COX19: variants seen among roughly 807,000 people sequenced by gnomAD.
COX19 encodes cytochrome c oxidase assembly protein COX19.
Under a neutral mutation model 6.8 loss-of-function variants are expected in COX19, and 8 were observed. The observed-to-expected ratio is 1.18, with a 90% CI of 0.69 to 2.12. COX19 has a LOEUF of 2.12. Ranked by LOEUF, COX19 falls within the 30% of genes most tolerant of loss-of-function variation. COX19 has a pLI of 0.00. For synonymous variants in COX19, 51 were observed against 38.0 expected (o/e 1.34, Z -1.26); for missense variants, 131 against 104.6 (o/e 1.25, Z -1.10).
At chr7:973,106 A>T in intron 2 of COX19, 75 bp downstream of exon 2, 1 of 951,946 alleles carries the variant, frequency 1.1e-6, no homozygotes, top group Non-Finnish European at 1.5e-6. Flanking sequence ...GACACACTGT[A>T]ATGGCCTTTC....
At chr7:971,911 A>ATTT (rs1408683034) in intron 2 of COX19, among the ~76,000 whole-genome samples, 1 of 152,180 alleles carries the variant, frequency 6.6e-6, no homozygotes, top group Non-Finnish European at 1.5e-5. Context: ...CAATGAAATC[A>ATTT]GAACACATGC....
chr7:973,640 A>G (rs1323293957), intron 1 of COX19, among the ~76,000 whole-genome samples: 2 of 152,246 alleles, frequency 1.3e-5, no homozygotes, highest in Non-Finnish European at 2.9e-5. Flanking sequence ...ACTGCACTCC[A>G]GCCTGGGCAA....
chr7:975,250 C>G (rs1419427552), intron 1 of COX19, 178 bp downstream of exon 1: 1 of 498,288 alleles, frequency 2.0e-6, no homozygotes, highest in African/African-American at 2.0e-5. Flanking sequence ...CAGCTCCCAC[C>G]TGCAGGGTCC....
intron 2 of COX19, among the ~76,000 whole-genome samples, chr7:971,835 C>T (rs947666807): frequency 2.6e-5 from 4 of 152,122 alleles, no homozygotes; most frequent in Admixed American, 6.5e-5. Flanking sequence ...CATGCCACTG[C>T]GCTCCAGCCC....
chr7:969,437 G>C lies in COX19; in HGVS notation c.214C>G (p.Pro72Ala). 6.2e-7 allele frequency: 1 copy of C among 1,609,358 alleles called. No homozygotes were observed. Among genetic ancestry groups the C allele is most frequent in the East Asian group, 2.2e-5 (1 of 44,862 alleles). The change falls in exon 3 of 3, where the codon CCA becomes GCA. Residue 72 changes from proline to alanine, a missense_variant. Pro to Ala is a conservative substitution (Grantham distance 27, BLOSUM62 -1). Transcript: ENST00000344111. ...TCTCCAAATCCCAGTTTCTCCAATG[G>C]TTCTTGTAGCATCAATTTTCTAAAA... is the stretch of plus-strand genomic sequence containing the variant. ...RMERKLMLQEPLEKLGFGDLT... is the reference protein window; with the variant it reads ...RMERKLMLQEALEKLGFGDLT...
intron 1 of COX19, among the ~76,000 whole-genome samples, chr7:973,949 G>C (rs546556451): frequency 6.8e-4 from 100 of 147,152 alleles, no homozygotes; most frequent in East Asian, 1.2e-3. Context: ...CTGGGTGACA[G>C]AGTGAGACTC....
rs914783451 is a variant in COX19 at position 973,107 on chromosome 7, A to G, written c.194+74T>C. Reference sequence around the variant, plus strand: ...CCAGGCCTGAAAAAGACACACTGTAATGGCCTTTCAGGAAAAAAAAAGTTT... The same window carrying G: ...CCAGGCCTGAAAAAGACACACTGTAGTGGCCTTTCAGGAAAAAAAAAGTTT... On this transcript the variant is annotated intron_variant, in intron 2 of 2. Transcript: ENST00000344111. The G allele has an allele frequency of 1.0e-4, 99 of 968,438 alleles. No homozygotes were observed. In the African/African-American group the frequency reaches 1.6e-3, roughly 16 times the overall value. The allele number at this position is 968,438 out of a possible 1,614,324, so 60.0% of individuals were successfully genotyped here. A position where few individuals can be genotyped will look rare whatever the true frequency, so the allele number is the denominator to read the frequency against.
At position 969,314 on chromosome 7, in the gene COX19, G is replaced by T; in HGVS notation, c.*64C>A. ...ACGCAGGCCTCAGCCAACCTAAGAGGCAGGATGATGCCCTCCGTCCTGAGA... is the reference window on the plus strand; with the variant it reads ...ACGCAGGCCTCAGCCAACCTAAGAGTCAGGATGATGCCCTCCGTCCTGAGA... On this transcript the variant is annotated 3_prime_UTR_variant, in exon 3 of 3. Coordinates refer to ENST00000344111, the MANE Select transcript of COX19 (RefSeq NM_001031617.3). 1 of 1,023,544 alleles carries T rather than the reference G, an allele frequency of 9.8e-7. No homozygotes were observed. The highest frequency in any genetic ancestry group is 1.6e-6 in the Non-Finnish European group (1 of 644,172). The allele number at this position is 1,023,544 out of a possible 1,614,324, so 63.4% of individuals were successfully genotyped here.
intron 2 of COX19, chr7:972,617 T>C (rs1010547846): frequency 5.3e-5 from 8 of 152,268 alleles, no homozygotes; most frequent in African/African-American, 1.9e-4. Context: ...AGAATAGCTC[T>C]TATTTTAAGT....
At chr7:973,112 C>A in intron 2 of COX19, 69 bp downstream of exon 2, 1 of 1,079,520 alleles carries the variant, frequency 9.3e-7, no homozygotes. Context: ...CTGTAATGGC[C>A]TTTCAGGAAA....
rs569504409 is a variant in COX19 at position 973,250 on chromosome 7, T to C, written c.125A>G (p.His42Arg). ...CAAAGCATTTTCAAAATTATTGTTATGAAGACACTTCATGAATTTCTCTTT... is the reference window on the plus strand; with the variant it reads ...CAAAGCATTTTCAAAATTATTGTTACGAAGACACTTCATGAATTTCTCTTT... ...SFKEKFMKCL[H>R]NNNFENALCR... The change falls in exon 2 of 3, where the codon CAT (histidine) becomes CGT (arginine). Residue 42 changes from histidine (H) to arginine (R), a missense_variant. His to Arg is a conservative substitution (Grantham distance 29). Coordinates refer to ENST00000344111, the MANE Select transcript of COX19 (RefSeq NM_001031617.3). The C allele has an allele frequency of 1.8e-5, 29 of 1,601,154 alleles. No homozygotes were observed. The East Asian group carries it at 5.4e-4, about 30-fold the overall frequency.
chr7:967,217 A>G lies in COX19; in HGVS notation c.*2161T>C, dbSNP rs1469186646. 1 of 152,022 alleles carries G rather than the reference A, an allele frequency of 6.6e-6. No individual in the cohort carries two copies. The highest frequency in any genetic ancestry group is 2.4e-5 in the African/African-American group (1 of 41,368). The allele number at this position is 152,022 out of a possible 1,614,324, so 9.4% of individuals were successfully genotyped here. A position where few individuals can be genotyped will look rare whatever the true frequency, so the allele number is the denominator to read the frequency against. ...TGATCACAGGTACGTACAGGAAAAA[A>G]CAGCGCCTGGACAGGATTCGGGACT... On this transcript the variant is annotated 3_prime_UTR_variant, in exon 3 of 3. Coordinates refer to ENST00000344111, the MANE Select transcript of COX19 (RefSeq NM_001031617.3).
rs1234180814 is a variant in COX19, at chr7:975,414, C to T, written c.82+14G>A. The T allele has an allele frequency of 1.3e-6, 2 of 1,578,700 alleles. No homozygotes were observed. Among genetic ancestry groups the T allele is most frequent in the Non-Finnish European group, 8.6e-7 (1 of 1,163,922 alleles). ...CCATCGCAGACCCCTGCCCGCCGAC[C>T]TTCCGCCGCTCACCTAAGTGATCCA... On this transcript the variant is annotated intron_variant, in intron 1 of 2. Coordinates refer to ENST00000344111, the MANE Select transcript of COX19 (RefSeq NM_001031617.3).
chr7:965,537 G>A lies in COX19; in HGVS notation c.*3841C>T, dbSNP rs575607637. Among the ~76,000 whole-genome samples, 27 of 152,340 alleles carry A rather than the reference G, an allele frequency of 1.8e-4. No homozygotes were observed. Among genetic ancestry groups the A allele is most frequent in the Non-Finnish European group, 2.5e-4 (17 of 68,042 alleles). ...CTGCTGGGTTAAGGGGGCCTCTGCC[G>A]TTCTGCTGTGACATGACTGTCTCCT... is the stretch of plus-strand genomic sequence containing the variant. On this transcript the variant is annotated 3_prime_UTR_variant, in exon 3 of 3. Coordinates refer to ENST00000344111, the MANE Select transcript of COX19 (RefSeq NM_001031617.3).
At position 966,129 on chromosome 7, in the gene COX19, C is replaced by T. The variant is rs1847549704; in HGVS notation, c.*3249G>A. The T allele has an allele frequency of 6.7e-6, 1 of 150,262 alleles. No homozygotes were observed. The highest frequency in any genetic ancestry group is 6.6e-5 in the Admixed American group (1 of 15,040). The allele number at this position is 150,262 out of a possible 1,614,324, so 9.3% of individuals were successfully genotyped here. A position where few individuals can be genotyped will look rare whatever the true frequency, so the allele number is the denominator to read the frequency against. ...TTATTCTGAGGGCTACAGCCCATTA[C>T]AATAATTAATTTTCTTTCTTTTTTT... On this transcript the variant is annotated 3_prime_UTR_variant, in exon 3 of 3. Transcript: ENST00000344111.
rs1357644191 is a variant in COX19 at position 975,499 on chromosome 7, G to A, written c.11C>T (p.Ala4Val). Residue 4 changes from alanine (A) to valine (V), a missense_variant, in exon 1 of 3, where the codon GCC becomes GTC. Ala to Val is a moderately conservative substitution (Grantham distance 64). Coordinates refer to ENST00000344111, the MANE Select transcript of COX19 (RefSeq NM_001031617.3). Reference protein sequence around the residue: MSTAMNFGTKSFQP... With the variant: MSTVMNFGTKSFQP... ...GAAGCTCTTGGTCCCGAAATTCATG[G>A]CGGTCGACATGTTGGCGACTCCGGA... The A allele has an allele frequency of 1.9e-5, 31 of 1,603,476 alleles. No individual in the cohort carries two copies. Among genetic ancestry groups the A allele is most frequent in the Non-Finnish European group, 2.6e-5 (30 of 1,176,360 alleles).
At chr7:975,403 T>G (rs1450842685) in intron 1 of COX19, 25 bp downstream of exon 1, 5 of 1,559,472 alleles carry the variant, frequency 3.2e-6, no homozygotes, top group Non-Finnish European at 1.7e-6. Flanking sequence ...CGCAGACCCC[T>G]GCCCGCCGAC....
Position 975,482 on chromosome 7 carries a change from T to C in COX19, c.28A>G (p.Lys10Glu), listed in dbSNP as rs772966683. 8 of 1,603,390 alleles carry C rather than the reference T, an allele frequency of 5.0e-6. No individual in the cohort carries two copies. Among genetic ancestry groups the C allele is most frequent in the Non-Finnish European group, 2.6e-6 (3 of 1,176,300 alleles). Residue 10 changes from lysine (K) to glutamate (E), a missense_variant, in exon 1 of 3, where the codon AAG becomes GAG. Physicochemically the swap from Lys to Glu is moderately conservative, Grantham distance 56 (BLOSUM62 1). Transcript: ENST00000344111. ...TCCGGGGGCCGCGGCTGGAAGCTCT[T>C]GGTCCCGAAATTCATGGCGGTCGAC... The part of the protein sequence containing the change: MSTAMNFGT[K>E]SFQPRPPDKG...
chr7:975,366 C>T lies in COX19; in HGVS notation c.82+62G>A, dbSNP rs568298546. ...GATGCCGGCACCCCATAGGGCTCCG[C>T]GCTGGGCCGCGACCCAGACCCCCCA... On this transcript the variant is annotated intron_variant, in intron 1 of 2. Coordinates refer to ENST00000344111, the MANE Select transcript of COX19 (RefSeq NM_001031617.3). 758 of 1,363,254 alleles carry T rather than the reference C, an allele frequency of 5.6e-4. 4 individuals carry two copies. In the African/African-American group the frequency reaches 0.011, roughly 19 times the overall value. 84.4% of individuals were successfully genotyped at this position (1,363,254 alleles called of 1,614,324 possible).
Sources: gnomAD v4.1 joint callset for allele counts (sites outside exome capture counted in the v4.1 genomes callset) on GRCh38, gnomAD v4.1.1 for gene constraint, MANE v1.5 for transcripts, NCBI Gene and HGNC (gene_info 2026-07-23, HGNC 2026-07-21) for gene names.